Variants in DNM3 observed in about 807,000 individuals in gnomAD.
The protein encoded by DNM3 is dynamin 3.
In DNM3, 47 loss-of-function variants were observed where a neutral mutation model predicts 101.6. That is an observed-to-expected ratio of 0.46 (90% CI 0.37 to 0.59). The LOEUF (loss-of-function observed/expected upper bound fraction) is 0.59. Ranked by LOEUF, DNM3 falls within the 20% of genes least tolerant of loss-of-function variation. The probability of loss-of-function intolerance (pLI) is 0.00; values close to 1 mark genes in which losing one functional copy is unlikely to be tolerated. For synonymous variants in DNM3, 385 were observed against 387.9 expected, an observed-to-expected ratio of 0.99 and a Z score of 0.09; for missense variants, 849 against 1,085.7, an observed-to-expected ratio of 0.78 and a Z score of 3.06.
intron 1 of DNM3, among the ~76,000 whole-genome samples, chr1:171,916,500 C>T (rs1160018325): frequency 6.6e-6 from 1 of 152,152 alleles, no homozygotes; most frequent in Non-Finnish European, 1.5e-5. Flanking sequence ...GGAGATTCAT[C>T]AGAAGGAGGG....
intron 14 of DNM3, among the ~76,000 whole-genome samples, chr1:172,209,580 A>C (rs1220975876): frequency 1.3e-5 from 2 of 152,044 alleles, no homozygotes; most frequent in Non-Finnish European, 2.9e-5. Context: ...ATTTGCATTA[A>C]GCAAGGAGAA....
Position 172,305,210 on chromosome 1 carries a change from G to A in DNM3, c.1770-3518G>A, listed in dbSNP as rs537161907. Reference sequence around the variant, plus strand: ...AAATGATAAAGGGGATATCATCACCGATCCCACAGAAATACAAACTACCAC... The same window carrying A: ...AAATGATAAAGGGGATATCATCACCAATCCCACAGAAATACAAACTACCAC... On this transcript the variant is annotated intron_variant, in intron 15 of 20. Transcript: ENST00000627582. 5.3e-5 allele frequency among the ~76,000 whole-genome samples: 8 copies of A among 152,216 alleles called. No homozygotes were observed. In the South Asian group the frequency reaches 6.2e-4, roughly 12 times the overall value.
At chr1:172,160,936 C>A (rs947494486) in intron 14 of DNM3, among the ~76,000 whole-genome samples, 26 of 151,736 alleles carry the variant, frequency 1.7e-4, no homozygotes, top group African/African-American at 5.8e-4. Context: ...TTTATGGTAC[C>A]ACCATTGTAT....
At chr1:171,873,696 C>CTGATG (rs1322103509) in intron 1 of DNM3, among the ~76,000 whole-genome samples, 1 of 152,172 alleles carries the variant, frequency 6.6e-6, no homozygotes, top group Non-Finnish European at 1.5e-5. Flanking sequence ...GTAAAAATGC[C>CTGATG]TGATGTTCTT....
rs2034032022 is a variant in DNM3, at chr1:171,860,264, T to C, written c.161+18447T>C. ...AAAATATAACGAATTCAGTTAAGTA[T>C]GTTTTGGTACATGAAGCTACTTTTT... On this transcript the variant is annotated intron_variant, in intron 1 of 20. Coordinates refer to ENST00000627582, the MANE Select transcript of DNM3 (RefSeq NM_015569.5). Among the ~76,000 whole-genome samples the C allele has an allele frequency of 2.6e-5, 4 of 152,180 alleles. No individual in the cohort carries two copies. In the South Asian group the frequency reaches 8.3e-4, roughly 31 times the overall value.
intron 17 of DNM3, among the ~76,000 whole-genome samples, chr1:172,341,956 C>T (rs77872715): frequency 3.7e-4 from 57 of 152,210 alleles, no homozygotes; most frequent in African/African-American, 1.3e-3. Context: ...CACACACAGA[C>T]ACTTCTCAAA....
chr1:172,175,741 A>G (rs1434311238), intron 14 of DNM3, among the ~76,000 whole-genome samples: 2 of 151,820 alleles, frequency 1.3e-5, no homozygotes, highest in Non-Finnish European at 2.9e-5. Context: ...AGAATTTTAC[A>G]TTGAATATTA....
chr1:171,866,779 T>C (rs2034789907), intron 1 of DNM3, among the ~76,000 whole-genome samples: 1 of 152,240 alleles, frequency 6.6e-6, no homozygotes, highest in Non-Finnish European at 1.5e-5. Context: ...TATTATAAGC[T>C]TCTATGGCAT....
intron 14 of DNM3, among the ~76,000 whole-genome samples, chr1:172,150,221 C>T (rs1289739955): frequency 6.6e-6 from 1 of 152,092 alleles, no homozygotes; most frequent in Non-Finnish European, 1.5e-5. Context: ...TATTAGAATA[C>T]TTCTATTCAT....
At chr1:171,939,004 AT>A (rs2041638942) in intron 2 of DNM3, among the ~76,000 whole-genome samples, 1 of 151,874 alleles carries the variant, frequency 6.6e-6, no homozygotes, top group Non-Finnish European at 1.5e-5. Flanking sequence ...GGTTATGTTA[AT>A]TTTTTCTTCC....
chr1:172,003,386 C>T (rs2046471368), intron 4 of DNM3, among the ~76,000 whole-genome samples: 1 of 151,910 alleles, frequency 6.6e-6, no homozygotes, highest in Non-Finnish European at 1.5e-5. Context: ...TTCTACAAGC[C>T]ATCCCCAGAA....
intron 15 of DNM3, among the ~76,000 whole-genome samples, chr1:172,301,265 G>T (rs1573364748): frequency 6.6e-6 from 1 of 152,212 alleles, no homozygotes; most frequent in South Asian, 2.1e-4. Flanking sequence ...ACTTTAGGAG[G>T]TCGAGGCAGG....
intron 11 of DNM3, among the ~76,000 whole-genome samples, chr1:172,074,346 G>A (rs2052457523): frequency 6.6e-6 from 1 of 151,946 alleles, no homozygotes; most frequent in African/African-American, 2.4e-5. Flanking sequence ...TTTAAGTTCT[G>A]GGATACATGT....
At chr1:172,261,491 T>G (rs1392702473) in intron 15 of DNM3, among the ~76,000 whole-genome samples, 1 of 152,144 alleles carries the variant, frequency 6.6e-6, no homozygotes, top group Non-Finnish European at 1.5e-5. Context: ...GGTGGGCTAG[T>G]CTTTAGGCCC....
At chr1:172,363,461 G>A (rs982612249) in intron 17 of DNM3, among the ~76,000 whole-genome samples, 2 of 151,808 alleles carry the variant, frequency 1.3e-5, no homozygotes, top group African/African-American at 4.8e-5. Flanking sequence ...AATAGATTTT[G>A]TATCCAATCT....
At chr1:171,885,929 G>T (rs923921341) in intron 1 of DNM3, among the ~76,000 whole-genome samples, 1 of 152,220 alleles carries the variant, frequency 6.6e-6, no homozygotes, top group African/African-American at 2.4e-5. Context: ...GACCCCTGAG[G>T]GTACAGGATG....
At chr1:172,392,437 C>G (rs1390112889) in intron 20 of DNM3, among the ~76,000 whole-genome samples, 2 of 149,900 alleles carry the variant, frequency 1.3e-5, no homozygotes. Flanking sequence ...TATTTATTTA[C>G]TTAACAAGAT....
chr1:171,963,251 A>G (rs1289136762), intron 2 of DNM3, among the ~76,000 whole-genome samples: 1 of 152,180 alleles, frequency 6.6e-6, no homozygotes, highest in Non-Finnish European at 1.5e-5. Flanking sequence ...AACTTAATGC[A>G]TATTACTAGT....
At chr1:172,221,158 A>C (rs1237777780) in intron 14 of DNM3, among the ~76,000 whole-genome samples, 3 of 152,100 alleles carry the variant, frequency 2.0e-5, no homozygotes, top group Non-Finnish European at 4.4e-5. Context: ...TTATTAAGAA[A>C]CTTGGTCACA....
Sources: allele counts gnomAD v4.1 joint callset (sites outside exome capture counted in the v4.1 genomes callset), GRCh38; gene constraint gnomAD v4.1.1; transcripts MANE v1.5; gene names NCBI Gene and HGNC (gene_info 2026-07-23, HGNC 2026-07-21).